The following SBF2 variants were observed in gnomAD, a reference collection of about 807,000 sequenced individuals.
The protein encoded by SBF2 is SET binding factor 2, also known as myotubularin-related protein 13.
A neutral mutation model predicts 225.2 loss-of-function variants in SBF2; 112 were observed. The ratio of observed to expected loss-of-function variants is 0.50; its 90% CI spans 0.43 to 0.58. SBF2 has a LOEUF of 0.58. Among genes scored for constraint, SBF2 ranks in the 20% least tolerant of loss-of-function variants. SBF2 has a pLI of 0.00. For synonymous variants in SBF2, 763 were observed against 773.3 expected (o/e 0.99, Z 0.22); for missense variants, 1,996 against 2,206.2 (o/e 0.90, Z 1.91).
intron 1 of SBF2, among the ~76,000 whole-genome samples, chr11:10,245,133 C>CA (rs60827616): frequency 0.072 from 6,644 of 92,332 alleles, 255 homozygotes; most frequent in African/African-American, 0.095. Flanking sequence ...GACCCTGTCT[C>CA]AAAAAAAAAA....
At chr11:10,115,214 G>A (rs913711998) in intron 2 of SBF2, among the ~76,000 whole-genome samples, 1 of 152,018 alleles carries the variant, frequency 6.6e-6, no homozygotes, top group African/African-American at 2.4e-5. Flanking sequence ...AGTCATACCA[G>A]ATATGTATAC....
intron 3 of SBF2, among the ~76,000 whole-genome samples, chr11:10,039,412 T>C (rs1255664206): frequency 1.3e-5 from 2 of 151,818 alleles, no homozygotes; most frequent in African/African-American, 4.8e-5. Context: ...CCAAAAGACA[T>C]TAACTTATGT....
intron 3 of SBF2, among the ~76,000 whole-genome samples, chr11:10,036,458 T>C (rs1235988053): frequency 6.6e-6 from 1 of 152,188 alleles, no homozygotes; most frequent in Non-Finnish European, 1.5e-5. Context: ...CTTGCAATAG[T>C]ATTCTGCGGG....
chr11:9,834,945 T>C (rs1404933052), intron 26 of SBF2, among the ~76,000 whole-genome samples: 1 of 152,206 alleles, frequency 6.6e-6, no homozygotes, highest in Non-Finnish European at 1.5e-5. Context: ...ACAAGATCTA[T>C]GGCTCTCTCC....
intron 17 of SBF2, among the ~76,000 whole-genome samples, chr11:9,886,452 G>A (rs1474455604): frequency 3.3e-5 from 5 of 151,806 alleles, no homozygotes; most frequent in African/African-American, 1.2e-4. Context: ...ATTTGTAGCT[G>A]GACTTATCTT....
At chr11:10,170,120 G>A (rs1956127889) in intron 2 of SBF2, among the ~76,000 whole-genome samples, 1 of 152,048 alleles carries the variant, frequency 6.6e-6, no homozygotes, top group African/African-American at 2.4e-5. Flanking sequence ...TTGCTGTACA[G>A]AAGCTTTTTA....
At chr11:9,926,944 T>G (rs577449046) in intron 16 of SBF2, among the ~76,000 whole-genome samples, 1 of 152,188 alleles carries the variant, frequency 6.6e-6, no homozygotes, top group African/African-American at 2.4e-5. Flanking sequence ...AGAAAATCAA[T>G]GAAACCCGAA....
chr11:10,012,486 C>T (rs1948495480), intron 6 of SBF2, among the ~76,000 whole-genome samples: 1 of 152,140 alleles, frequency 6.6e-6, no homozygotes, highest in South Asian at 2.1e-4. Flanking sequence ...CTATTTGGCT[C>T]TTTTTCAGTT....
chr11:9,957,723 T>G (rs1010483508), intron 16 of SBF2: 1 of 152,222 alleles, frequency 6.6e-6, no homozygotes, highest in Non-Finnish European at 1.5e-5. Flanking sequence ...CCTCCCAAAG[T>G]GCTGGAATTA....
At chr11:10,018,148 T>C (rs1948718715) in intron 6 of SBF2, among the ~76,000 whole-genome samples, 2 of 152,178 alleles carry the variant, frequency 1.3e-5, no homozygotes, top group South Asian at 4.1e-4. Context: ...ACAACTCTTT[T>C]AATTCAAACT....
In SBF2 at chr11:9,781,523, T is replaced by A; in HGVS notation, c.5435A>T (p.Asp1812Val). ...PSMGAPKHTSDKAFFDLKTSK... is the reference protein window; with the variant it reads ...PSMGAPKHTSVKAFFDLKTSK... ...TCAACTTACATCAAAGAAAGCCTTG[T>A]CACTTGTGTGCTTTGGGGCTCCCAT... Residue 1812 changes from aspartate to valine, a missense_variant, in exon 39 of 40, where the codon GAC becomes GTC. Coordinates refer to ENST00000256190, the MANE Select transcript of SBF2 (RefSeq NM_030962.4). 6.2e-7 allele frequency: 1 copy of A among 1,614,222 alleles called. No homozygotes were observed. Among genetic ancestry groups the A allele is most frequent in the African/African-American group, 1.3e-5 (1 of 75,056 alleles).
At chr11:10,098,073 C>A (rs901119677) in intron 2 of SBF2, among the ~76,000 whole-genome samples, 1 of 152,146 alleles carries the variant, frequency 6.6e-6, no homozygotes, top group Non-Finnish European at 1.5e-5. Flanking sequence ...CACCTATGGT[C>A]CCATCTGCCA....
At chr11:10,174,752 A>T (rs1480481552) in intron 2 of SBF2, among the ~76,000 whole-genome samples, 1 of 152,212 alleles carries the variant, frequency 6.6e-6, no homozygotes, top group Non-Finnish European at 1.5e-5. Flanking sequence ...TGTGAAGGGC[A>T]GCCAGAGAGA....
chr11:10,014,022 T>C (rs1053151741), intron 6 of SBF2, among the ~76,000 whole-genome samples: 13 of 152,210 alleles, frequency 8.5e-5, no homozygotes, highest in Non-Finnish European at 1.8e-4. Context: ...CCCTTTAACT[T>C]AGTTCCTGTG....
intron 6 of SBF2, among the ~76,000 whole-genome samples, chr11:10,005,221 CAG>C (rs991084547): frequency 1.6e-4 from 25 of 152,132 alleles, no homozygotes; most frequent in African/African-American, 5.6e-4. Flanking sequence ...GGCAAAATGG[CAG>C]AGTTTAACTG....
intron 1 of SBF2, among the ~76,000 whole-genome samples, chr11:10,224,610 A>G (rs1323534565): frequency 6.6e-6 from 1 of 152,000 alleles, no homozygotes; most frequent in African/African-American, 2.4e-5. Context: ...GTTCTTTCAT[A>G]CCTAAAGTTT....
chr11:10,039,765 A>G (rs1249457208), intron 3 of SBF2, among the ~76,000 whole-genome samples: 2 of 151,950 alleles, frequency 1.3e-5, no homozygotes, highest in Non-Finnish European at 1.5e-5. Context: ...GAAGGAATAA[A>G]ATGATCCTAG....
intron 2 of SBF2, among the ~76,000 whole-genome samples, chr11:10,130,883 T>C (rs1229722074): frequency 1.3e-5 from 2 of 152,190 alleles, no homozygotes; most frequent in Admixed American, 1.3e-4. Context: ...TTCATTACTT[T>C]ATATTGCTAC....
chr11:9,920,182 A>ATGTGTGTGTGTG (rs137939953), intron 16 of SBF2, among the ~76,000 whole-genome samples: 9 of 147,098 alleles, frequency 6.1e-5, no homozygotes, highest in Non-Finnish European at 8.9e-5. Context: ...CAAATACTAT[A>ATGTGTGTGTGTG]TGTGTGTGTG....
Sources: gnomAD v4.1 joint callset for allele counts (sites outside exome capture counted in the v4.1 genomes callset) on GRCh38, gnomAD v4.1.1 for gene constraint, MANE v1.5 for transcripts, NCBI Gene and HGNC (gene_info 2026-07-23, HGNC 2026-07-21) for gene names.